PSME4: variants seen among roughly 807,000 people sequenced by gnomAD.
PSME4 encodes proteasome activator subunit 4.
A neutral mutation model predicts 253.9 loss-of-function variants in PSME4; 89 were observed. The ratio of observed to expected loss-of-function variants is 0.35; its 90% confidence interval spans 0.30 to 0.42. The LOEUF is 0.42. PSME4 is among the 10% of genes least tolerant of loss of function. The pLI is 1.00. For synonymous variants in PSME4, 851 were observed against 759.2 expected (o/e 1.12, Z -1.99); for missense variants, 2,014 against 2,195.2 (o/e 0.92, Z 1.65).
rs190529777 is a variant in PSME4, at chr2:53,883,654, A to T, written c.4815+2036T>A. ...AATGGTTCTAATTTAGTTCATATAA[A>T]GTAAGTTACGAGGCATATGCTAACT... On this transcript the variant is annotated intron_variant, in intron 41 of 46. Transcript: ENST00000404125. Among the ~76,000 whole-genome samples, 6 of 152,328 alleles carry T rather than the reference A, an allele frequency of 3.9e-5. No homozygotes were observed. In the East Asian group the frequency reaches 7.7e-4, roughly 20 times the overall value.
Position 53,934,610 on chromosome 2 carries a change from T to G in PSME4, c.952A>C (p.Met318Leu). The change falls in exon 8 of 47, where the codon ATG becomes CTG. Residue 318 changes from methionine to leucine, a missense_variant. Coordinates refer to ENST00000404125, the MANE Select transcript of PSME4 (RefSeq NM_014614.3). ...AAATATAATGTATTACAAACCATCA[T>G]GGCGGTGATCCATATTACAGCATGT... ...IGHAVIWITA[M>L]MGGPSKLVQK... The G allele has an allele frequency of 6.2e-7, 1 of 1,609,060 alleles. No homozygotes were observed. The highest frequency in any genetic ancestry group is 2.2e-5 in the East Asian group (1 of 44,812).
intron 38 of PSME4, chr2:53,888,429 A>G: frequency 3.3e-6 from 1 of 307,446 alleles, no homozygotes; most frequent in Non-Finnish European, 6.0e-6. Context: ...ATAAGATGTG[A>G]TGAAGACACA....
rs190271068 is a variant in PSME4 at position 53,915,806 on chromosome 2, C to G, written c.2516+3345G>C. The stretch of plus-strand genomic sequence containing the variant: ...TTTTATGAGGCTGAATGTGGTGGCT[C>G]ATGCCTATAATCCCAGCACTTTTGG... On this transcript the variant is annotated intron_variant, in intron 20 of 46. Coordinates refer to ENST00000404125, the MANE Select transcript of PSME4 (RefSeq NM_014614.3). Among the ~76,000 whole-genome samples, 737 of 152,172 alleles carry G rather than the reference C, an allele frequency of 4.8e-3. 2 individuals carry two copies. Among genetic ancestry groups the G allele is most frequent in the Middle Eastern group, 0.01 (3 of 294 alleles).
intron 29 of PSME4, 50 bp from the exon 30 acceptor site, chr2:53,898,404 T>A: frequency 1.5e-6 from 2 of 1,338,504 alleles, no homozygotes; most frequent in Non-Finnish European, 2.1e-6. Flanking sequence ...AAAATGAACA[T>A]CAAAAATATA....
At chr2:53,871,284 C>G (rs1424462702) in intron 43 of PSME4, among the ~76,000 whole-genome samples, 1 of 151,880 alleles carries the variant, frequency 6.6e-6, no homozygotes, top group Non-Finnish European at 1.5e-5. Context: ...TGGAGTCTCG[C>G]TCTGTCACCA....
intron 28 of PSME4, among the ~76,000 whole-genome samples, 162 bp downstream of exon 28, chr2:53,901,188 A>G (rs1398620193): frequency 6.6e-6 from 1 of 152,188 alleles, no homozygotes; most frequent in African/African-American, 2.4e-5. Context: ...ATAATGATCA[A>G]TGAAAGTACA....
intron 27 of PSME4, 26 bp from the exon 28 acceptor site, chr2:53,901,585 T>C: frequency 6.4e-7 from 1 of 1,555,544 alleles, no homozygotes; most frequent in Non-Finnish European, 8.8e-7. Context: ...TATATATATG[T>C]TTACATGGGA....
At position 53,925,760 on chromosome 2, in the gene PSME4, A is replaced by C. The variant is rs973479273; in HGVS notation, c.1659-71T>G. On this transcript the variant is annotated intron_variant, in intron 13 of 46. Transcript: ENST00000404125. ...TTGACATTTTTGGTGGTCATCAGGT[A>C]ACTCTCTATTGTCCTAATTATTCAA... is the stretch of plus-strand genomic sequence containing the variant. 60 of 1,453,226 alleles carry C rather than the reference A, an allele frequency of 4.1e-5. 1 individual carries two copies. In the South Asian group the frequency reaches 7.0e-4, roughly 17 times the overall value. 90.0% of individuals were successfully genotyped at this position (1,453,226 alleles called of 1,614,324 possible). A position where few individuals can be genotyped will look rare whatever the true frequency, so the allele number is the denominator to read the frequency against.
chr2:53,885,588 C>A lies in PSME4; in HGVS notation c.4815+102G>T, dbSNP rs548996069. 6 of 754,612 alleles carry A rather than the reference C, an allele frequency of 8.0e-6. No individual in the cohort carries two copies. The South Asian group carries it at 1.0e-4, about 13-fold the overall frequency. The allele number at this position is 754,612 out of a possible 1,614,324, so 46.7% of individuals were successfully genotyped here. A position where few individuals can be genotyped will look rare whatever the true frequency, so the allele number is the denominator to read the frequency against. On this transcript the variant is annotated intron_variant, in intron 41 of 46. Coordinates refer to ENST00000404125, the MANE Select transcript of PSME4 (RefSeq NM_014614.3). ...CCATTCTACTTTTCAGAGATCCAAT[C>A]AAAATTCACACTGTCTGAAGAACTT...
chr2:53,906,864 T>C lies in PSME4; in HGVS notation c.2789A>G (p.His930Arg), dbSNP rs756934213. 2.5e-6 allele frequency: 4 copies of C among 1,613,146 alleles called. No homozygotes were observed. Among genetic ancestry groups the C allele is most frequent in the East Asian group, 2.2e-5 (1 of 44,860 alleles). Residue 930 changes from histidine (H) to arginine (R), a missense_variant, in exon 25 of 47, where the codon CAT (histidine) becomes CGT (arginine). His to Arg is a conservative substitution (Grantham distance 29). Around this residue, in one of 4 missense-constraint regions of PSME4, gnomAD observed 989 missense variants for 1,021.1 expected, o/e 0.97. Coordinates refer to ENST00000404125, the MANE Select transcript of PSME4 (RefSeq NM_014614.3). ...TGCTCTGATATGTTGTTTTTTCCCA[T>C]GGAGCTGGAAAACAAAGTAGCAACA... ...LVKKSMENRLHGKKQHIRALL... is the reference protein window; with the variant it reads ...LVKKSMENRLRGKKQHIRALL...
At chr2:53,874,288 A>G in intron 43 of PSME4, 51 bp downstream of exon 43, 1 of 1,540,820 alleles carries the variant, frequency 6.5e-7, no homozygotes, top group Non-Finnish European at 8.8e-7. Flanking sequence ...GGGAACCATG[A>G]TGGTTTCTTT....
At chr2:53,906,087 C>A (rs1680646100) in intron 26 of PSME4, among the ~76,000 whole-genome samples, 1 of 152,136 alleles carries the variant, frequency 6.6e-6, no homozygotes, top group African/African-American at 2.4e-5. Flanking sequence ...ATTAGTTGCA[C>A]ATGAATCTCT....
At chr2:53,893,530 AG>A in intron 35 of PSME4, 143 bp downstream of exon 35, 1 of 1,449,716 alleles carries the variant, frequency 6.9e-7, no homozygotes, top group East Asian at 2.5e-5. Context: ...CGACAACAAA[AG>A]TCTGTACATG....
chr2:53,911,506 T>C (rs762529367), intron 20 of PSME4, among the ~76,000 whole-genome samples: 11 of 152,150 alleles, frequency 7.2e-5, no homozygotes, highest in Admixed American at 2.6e-4. Context: ...GAACGTTATG[T>C]CTTTACTGAA....
intron 46 of PSME4, 57 bp downstream of exon 46, chr2:53,866,028 T>A: frequency 6.9e-7 from 1 of 1,455,858 alleles, no homozygotes; most frequent in Non-Finnish European, 9.3e-7. Context: ...AAAAAAACAA[T>A]AAATATCTAG....
At chr2:53,921,243 C>A in intron 17 of PSME4, 139 bp from the exon 18 acceptor site, 1 of 1,284,730 alleles carries the variant, frequency 7.8e-7, no homozygotes, top group Non-Finnish European at 1.1e-6. Flanking sequence ...GTCACTTTAA[C>A]TGCATTCTAA....
chr2:53,899,733 G>A, intron 29 of PSME4, 148 bp downstream of exon 29: 1 of 932,188 alleles, frequency 1.1e-6, no homozygotes, highest in Non-Finnish European at 1.6e-6. Context: ...CATGAGAAGA[G>A]CTTAAACCCA....
At chr2:53,906,755 T>A (rs1169773019) in intron 25 of PSME4, 51 bp downstream of exon 25, 1 of 1,600,070 alleles carries the variant, frequency 6.2e-7, no homozygotes, top group Non-Finnish European at 8.5e-7. Context: ...TAAATACTCA[T>A]CTGGAAAATT....
At chr2:53,953,346 C>T (rs1279669307) in intron 1 of PSME4, among the ~76,000 whole-genome samples, 3 of 151,722 alleles carry the variant, frequency 2.0e-5, no homozygotes, top group African/African-American at 7.3e-5. Context: ...AAGAAAAAGA[C>T]ATAATCCAAT....
Sources: allele counts gnomAD v4.1 joint callset (sites outside exome capture counted in the v4.1 genomes callset), GRCh38; gene constraint gnomAD v4.1.1; regional missense constraint gnomAD v4.1.1; transcripts MANE v1.5; gene names NCBI Gene and HGNC (gene_info 2026-07-23, HGNC 2026-07-21).